The following TEX11 variants were observed in gnomAD, a reference collection of about 807,000 sequenced individuals.
TEX11 encodes the protein testis expressed 11.
TEX11 carries 7 observed loss-of-function variants against 84.4 expected under a neutral mutation model. The ratio of observed to expected loss-of-function variants is 0.08; its 90% CI spans 0.05 to 0.16. The LOEUF (loss-of-function observed/expected upper bound fraction) is 0.16. Among genes scored for constraint, TEX11 ranks in the 10% least tolerant of loss-of-function variants. TEX11 has a pLI of 1.00. For synonymous variants in TEX11, 264 were observed against 222.8 expected, an observed-to-expected ratio of 1.18 and a Z score of -1.64; for missense variants, 551 against 660.5, an observed-to-expected ratio of 0.83 and a Z score of 1.82.
chrX:70,773,146 A>G (rs2090981621), intron 9 of TEX11, among the ~76,000 whole-genome samples: 1 of 111,396 alleles, frequency 9.0e-6, no homozygotes, highest in Admixed American at 9.6e-5. Flanking sequence ...TCTGGACAAC[A>G]AAGAGAACAT....
At chrX:70,634,342 T>C (rs2089544543) in intron 17 of TEX11, among the ~76,000 whole-genome samples, 1 of 112,023 alleles carries the variant, frequency 8.9e-6, no homozygotes, top group African/African-American at 3.3e-5. Context: ...AATTCATTTA[T>C]GCAAAACTTA....
intron 2 of TEX11, among the ~76,000 whole-genome samples, chrX:70,885,721 G>A (rs1346449762): frequency 9.2e-6 from 1 of 109,236 alleles, no homozygotes; most frequent in Non-Finnish European, 1.9e-5. Flanking sequence ...GTGAAACCCC[G>A]TCTCTACCAA....
Position 70,606,994 on chromosome X carries a change from C to T in TEX11, c.1915G>A (p.Val639Met). 1 of 1,199,481 alleles carries T rather than the reference C, an allele frequency of 8.3e-7. No individual in the cohort carries two copies. Among genetic ancestry groups the T allele is most frequent in the South Asian group, 1.8e-5 (1 of 54,182 alleles). Residue 639 changes from valine to methionine, a missense_variant, in exon 23 of 30, where the codon GTG (valine) becomes ATG (methionine). By Grantham distance (21) the Val-to-Met change is conservative (BLOSUM62 1). Transcript: ENST00000374333. ...NLAVQCDKDP[V>M]MMREFFILSY... ...AGTATAAAAAACTCTCTCATCATCA[C>T]TGGATCTTTGTCACATTGCACAGCC...
Position 70,785,874 on chromosome X carries a change from G to C in TEX11, c.692+20831C>G, listed in dbSNP as rs779208864. Among the ~76,000 whole-genome samples the C allele has an allele frequency of 4.0e-4, 45 of 112,104 alleles. No homozygotes were observed. In the East Asian group the frequency reaches 0.012, roughly 31 times the overall value. ...GAACGCTTTTACACTGTTGGTGGGAGTGTAAATTACTTCAACCATTGTGGA... is the reference window on the plus strand; with the variant it reads ...GAACGCTTTTACACTGTTGGTGGGACTGTAAATTACTTCAACCATTGTGGA... On this transcript the variant is annotated intron_variant, in intron 9 of 29. Coordinates refer to ENST00000374333, the MANE Select transcript of TEX11 (RefSeq NM_031276.3).
At chrX:70,747,418 A>C (rs1273222718) in intron 9 of TEX11, among the ~76,000 whole-genome samples, 1 of 112,606 alleles carries the variant, frequency 8.9e-6, no homozygotes, top group Non-Finnish European at 1.9e-5. Flanking sequence ...GACTGAACAA[A>C]TAAATGACTA....
chrX:70,641,673 G>A (rs952315457), intron 17 of TEX11, among the ~76,000 whole-genome samples: 1 of 111,040 alleles, frequency 9.0e-6, no homozygotes, highest in Non-Finnish European at 1.9e-5. Context: ...TGACTGCTGG[G>A]TACATAACGA....
intron 28 of TEX11, among the ~76,000 whole-genome samples, chrX:70,551,214 G>A (rs1393239456): frequency 1.8e-5 from 2 of 110,301 alleles, no homozygotes; most frequent in African/African-American, 3.3e-5. Context: ...TAAAATAATT[G>A]AACTGCTGGG....
intron 25 of TEX11, among the ~76,000 whole-genome samples, chrX:70,582,150 C>T (rs775625025): frequency 8.9e-6 from 1 of 111,809 alleles, no homozygotes; most frequent in East Asian, 2.8e-4. Context: ...AAGAAGATTG[C>T]TTCACATTTT....
intron 24 of TEX11, among the ~76,000 whole-genome samples, chrX:70,604,494 T>G (rs754478508): frequency 1.4e-4 from 15 of 111,101 alleles, no homozygotes; most frequent in Non-Finnish European, 2.5e-4. Context: ...TAGAAAAGTG[T>G]CTGGTGCTCA....
chrX:70,567,024 C>T (rs2088494433), intron 25 of TEX11, among the ~76,000 whole-genome samples: 2 of 111,396 alleles, frequency 1.8e-5, no homozygotes, highest in Admixed American at 9.6e-5. Context: ...GCTGTGAATC[C>T]ATCTGGTCCT....
intron 25 of TEX11, among the ~76,000 whole-genome samples, chrX:70,578,646 A>T (rs1292387685): frequency 2.7e-5 from 3 of 111,111 alleles, no homozygotes; most frequent in African/African-American, 9.8e-5. Context: ...GGGAGTATTA[A>T]TAAGTTATAT....
chrX:70,813,169 C>A (rs966392481), intron 8 of TEX11, among the ~76,000 whole-genome samples: 11 of 111,845 alleles, frequency 9.8e-5, no homozygotes, highest in Non-Finnish European at 1.7e-4. Context: ...AGACCAATAA[C>A]CCTGAGGAAC....
chrX:70,843,480 C>T (rs1360862401), intron 7 of TEX11, among the ~76,000 whole-genome samples: 8 of 111,881 alleles, frequency 7.2e-5, no homozygotes, highest in East Asian at 2.8e-4. Flanking sequence ...AAGACTTAAA[C>T]ATTAGACCTA....
chrX:70,560,236 C>T (rs1446665942), intron 25 of TEX11, among the ~76,000 whole-genome samples: 34 of 109,494 alleles, frequency 3.1e-4, no homozygotes, highest in Admixed American at 2.5e-3. Flanking sequence ...CCGTGACCTC[C>T]GCTTCCCGGG....
At chrX:70,686,392 A>G (rs894450360) in intron 13 of TEX11, among the ~76,000 whole-genome samples, 7 of 111,755 alleles carry the variant, frequency 6.3e-5, no homozygotes, top group African/African-American at 2.0e-4. Flanking sequence ...TTGCAGGGAC[A>G]TGGATTAAGC....
intron 25 of TEX11, among the ~76,000 whole-genome samples, chrX:70,563,723 C>T (rs902901637): frequency 6.2e-5 from 7 of 112,229 alleles, no homozygotes; most frequent in African/African-American, 2.3e-4. Context: ...TGAGTGTTCT[C>T]GTCATGAATG....
rs1223245774 is a variant in TEX11 at position 70,817,240 on chromosome X, CACACATATATATAT to C, written c.607-10464_607-10451del. ...ATATACACATACACATACACACACA[CACACATATATATAT>C]ACACACACACACACACACACACACA... On this transcript the variant is annotated intron_variant, in intron 8 of 29. Coordinates refer to ENST00000374333, the MANE Select transcript of TEX11 (RefSeq NM_031276.3). Among the ~76,000 whole-genome samples the C allele has an allele frequency of 8.3e-3, 731 of 88,151 alleles. 9 individuals are homozygous for C. The highest frequency in any genetic ancestry group is 0.031 in the African/African-American group (685 of 21,892). 76.5% of individuals were successfully genotyped at this position (88,151 alleles called of 115,157 possible). A position where few individuals can be genotyped will look rare whatever the true frequency, so the allele number is the denominator to read the frequency against.
chrX:70,792,351 TATATATACAC>T (rs1264317027), intron 9 of TEX11, among the ~76,000 whole-genome samples: 436 of 11,368 alleles, frequency 0.038, 55 homozygotes, highest in East Asian at 0.2. Context: ...TATATATATA[TATATATACAC>T]ACACAAATAT....
At chrX:70,586,125 A>G (rs1037426657) in intron 25 of TEX11, among the ~76,000 whole-genome samples, 1 of 112,824 alleles carries the variant, frequency 8.9e-6, no homozygotes, top group Non-Finnish European at 1.9e-5. Context: ...CCACAGGCAA[A>G]AGAATGAAGT....
Sources: gnomAD v4.1 joint callset for allele counts (sites outside exome capture counted in the v4.1 genomes callset) on GRCh38, gnomAD v4.1.1 for gene constraint, MANE v1.5 for transcripts, NCBI Gene and HGNC (gene_info 2026-07-23, HGNC 2026-07-21) for gene names.